Variants in SHISA9 observed in about 807,000 individuals in gnomAD.
SHISA9 encodes the protein shisa family member 9.
A neutral mutation model predicts 38.0 loss-of-function variants in SHISA9; 13 were observed. The ratio of observed to expected loss-of-function variants is 0.34; its 90% CI spans 0.22 to 0.54. The LOEUF (loss-of-function observed/expected upper bound fraction) is 0.54, where lower values mean the gene tolerates loss of function less well. SHISA9 is among the 20% of genes least tolerant of loss of function. SHISA9 has a pLI of 0.91. For missense variants in SHISA9, 538 were observed against 575.8 expected, an observed-to-expected ratio of 0.93 and a Z score of 0.67; for synonymous variants, 275 against 242.0, an observed-to-expected ratio of 1.14 and a Z score of -1.27.
At chr16:13,515,664 CCTTGT>C in the SHISA9 span, among the ~76,000 whole-genome samples, 6 of 152,076 alleles carry the variant, frequency 3.9e-5, no homozygotes, top group Non-Finnish European at 5.9e-5. Context: ...AGATAGGAAG[CCTTGT>C]CTTATCTATT....
chr16:13,446,109 GT>G, the SHISA9 span, among the ~76,000 whole-genome samples: 3 of 151,844 alleles, frequency 2.0e-5, no homozygotes, highest in African/African-American at 4.8e-5. Context: ...TGCCCAGTTA[GT>G]TTTTTTGTGT....
the SHISA9 span, among the ~76,000 whole-genome samples, chr16:13,550,717 C>A: frequency 6.6e-6 from 1 of 152,170 alleles, no homozygotes; most frequent in Non-Finnish European, 1.5e-5. Flanking sequence ...GTATTCACTG[C>A]GAATGGAGGA....
At chr16:13,508,422 T>C in the SHISA9 span, among the ~76,000 whole-genome samples, 1 of 152,230 alleles carries the variant, frequency 6.6e-6, no homozygotes, top group Non-Finnish European at 1.5e-5. Context: ...TCTTATTTTT[T>C]TAATGTCTGA....
the SHISA9 span, among the ~76,000 whole-genome samples, chr16:13,402,663 C>T: frequency 0.013 from 1,932 of 152,110 alleles, 41 homozygotes; most frequent in African/African-American, 0.044. Flanking sequence ...AGGCACAGGC[C>T]GCCACGCCCG....
chr16:12,979,180 C>T (rs1242902931), intron 2 of SHISA9, among the ~76,000 whole-genome samples: 2 of 152,196 alleles, frequency 1.3e-5, no homozygotes, highest in Non-Finnish European at 2.9e-5. Flanking sequence ...GCCACACCCT[C>T]TCTGCTGGTC....
the SHISA9 span, among the ~76,000 whole-genome samples, chr16:13,329,255 C>G: frequency 6.6e-6 from 1 of 152,252 alleles, no homozygotes; most frequent in East Asian, 1.9e-4. Flanking sequence ...CTTTCCGGCG[C>G]CCCTCTTTCT....
the SHISA9 span, among the ~76,000 whole-genome samples, chr16:13,546,063 G>A: frequency 6.6e-6 from 1 of 152,146 alleles, no homozygotes; most frequent in Non-Finnish European, 1.5e-5. Flanking sequence ...GAGAACACTA[G>A]GCTCACTAAT....
chr16:12,964,215 C>G (rs1302021641), intron 2 of SHISA9, among the ~76,000 whole-genome samples: 1 of 152,128 alleles, frequency 6.6e-6, no homozygotes, highest in Non-Finnish European at 1.5e-5. Context: ...TTGAAGGAAA[C>G]AAGAATGTGT....
intron 2 of SHISA9, among the ~76,000 whole-genome samples, chr16:13,060,929 C>A (rs988560633): frequency 6.6e-6 from 1 of 152,132 alleles, no homozygotes; most frequent in Non-Finnish European, 1.5e-5. Context: ...TCCAAAAAGA[C>A]TGAGGGCCGC....
At chr16:13,029,191 GT>G (rs1160357193) in intron 2 of SHISA9, among the ~76,000 whole-genome samples, 1 of 152,200 alleles carries the variant, frequency 6.6e-6, no homozygotes, top group Non-Finnish European at 1.5e-5. Context: ...CTGTACTCCT[GT>G]TTGTTGCAGC....
chr16:12,970,404 C>CATATATAT (rs1265670441), intron 2 of SHISA9, among the ~76,000 whole-genome samples: 2 of 11,722 alleles, frequency 1.7e-4, no homozygotes, highest in Non-Finnish European at 4.0e-4. Context: ...TATATATATA[C>CATATATAT]ATATATATAT....
intron 2 of SHISA9, among the ~76,000 whole-genome samples, chr16:13,195,236 C>T (rs764406822): frequency 9.9e-5 from 15 of 152,052 alleles, no homozygotes; most frequent in Admixed American, 2.6e-4. Flanking sequence ...ACAAGATGAG[C>T]CTGGGGAATC....
At chr16:13,190,909 GT>G (rs1000415005) in intron 2 of SHISA9, among the ~76,000 whole-genome samples, 2 of 150,338 alleles carry the variant, frequency 1.3e-5, no homozygotes, top group African/African-American at 4.9e-5. Flanking sequence ...TTATATATGT[GT>G]TTTTTTTTCT....
At chr16:13,075,847 C>T (rs61075560) in intron 2 of SHISA9, among the ~76,000 whole-genome samples, 86 of 152,124 alleles carry the variant, frequency 5.7e-4, no homozygotes, top group African/African-American at 1.8e-3. Flanking sequence ...TGTTGGCATT[C>T]GGGGCCAGAT....
At chr16:13,479,863 G>T in the SHISA9 span, among the ~76,000 whole-genome samples, 1 of 152,154 alleles carries the variant, frequency 6.6e-6, no homozygotes, top group Non-Finnish European at 1.5e-5. Flanking sequence ...AACAGTGGTG[G>T]GGTTCCATTT....
chr16:13,219,168 A>T (rs2142071805), intron 4 of SHISA9, among the ~76,000 whole-genome samples: 1 of 152,294 alleles, frequency 6.6e-6, no homozygotes, highest in Non-Finnish European at 1.5e-5. Flanking sequence ...GTTTGTAGAA[A>T]ATGCTCTTGC....
chr16:13,249,508 G>A, the SHISA9 span, among the ~76,000 whole-genome samples: 1 of 152,302 alleles, frequency 6.6e-6, no homozygotes, highest in South Asian at 2.1e-4. Context: ...GTGAAACAGG[G>A]ATAAGCATTG....
At chr16:13,437,632 C>A in the SHISA9 span, among the ~76,000 whole-genome samples, 1 of 152,084 alleles carries the variant, frequency 6.6e-6, no homozygotes, top group Non-Finnish European at 1.5e-5. Context: ...CTGAGAAGAT[C>A]CTGATAGCTT....
intron 2 of SHISA9, among the ~76,000 whole-genome samples, chr16:12,948,041 C>T (rs563360402): frequency 2.6e-5 from 4 of 152,114 alleles, no homozygotes; most frequent in Non-Finnish European, 5.9e-5. Context: ...TATTGTTTTC[C>T]CTAGTAAGAA....
Sources: gnomAD v4.1 joint callset for allele counts (sites outside exome capture counted in the v4.1 genomes callset) on GRCh38, gnomAD v4.1.1 for gene constraint, MANE v1.5 for transcripts, NCBI Gene and HGNC (gene_info 2026-07-23, HGNC 2026-07-21) for gene names.